The following GUCY1A2 variants were observed in gnomAD, a reference collection of about 807,000 sequenced individuals.
GUCY1A2 encodes the protein guanylate cyclase soluble subunit alpha-2.
A neutral mutation model predicts 63.5 loss-of-function variants in GUCY1A2; 27 were observed. The ratio of observed to expected loss-of-function variants is 0.43; its 90% CI spans 0.31 to 0.59. GUCY1A2 has a LOEUF of 0.59. Ranked by LOEUF, GUCY1A2 falls within the 20% of genes least tolerant of loss-of-function variation. GUCY1A2 has a pLI of 0.11. For missense variants in GUCY1A2, 768 were observed against 913.3 expected, an observed-to-expected ratio of 0.84 and a Z score of 2.05; for synonymous variants, 364 against 343.5, an observed-to-expected ratio of 1.06 and a Z score of -0.66.
intron 1 of GUCY1A2, among the ~76,000 whole-genome samples, chr11:107,000,450 C>T (rs1249001140): frequency 1.3e-5 from 2 of 152,216 alleles, no homozygotes; most frequent in East Asian, 1.9e-4. Flanking sequence ...TCACTCCCTA[C>T]AACAATGCCT....
chr11:106,945,526 C>A (rs1860815438), intron 3 of GUCY1A2, among the ~76,000 whole-genome samples: 1 of 152,182 alleles, frequency 6.6e-6, no homozygotes, highest in Non-Finnish European at 1.5e-5. Context: ...CACACATAGA[C>A]ACATGCTTTC....
chr11:106,885,903 T>C (rs972690137), intron 4 of GUCY1A2, among the ~76,000 whole-genome samples: 2 of 152,114 alleles, frequency 1.3e-5, no homozygotes, highest in Admixed American at 1.3e-4. Flanking sequence ...ATTCCCCCTA[T>C]TGGAAGAACT....
intron 4 of GUCY1A2, among the ~76,000 whole-genome samples, chr11:106,879,904 GC>G (rs1859800544): frequency 6.6e-6 from 1 of 152,070 alleles, no homozygotes; most frequent in African/African-American, 2.4e-5. Context: ...AGAGCTATAT[GC>G]TGTCATCAGT....
intron 5 of GUCY1A2, among the ~76,000 whole-genome samples, chr11:106,791,238 C>A (rs1344287423): frequency 6.6e-6 from 1 of 152,196 alleles, no homozygotes; most frequent in African/African-American, 2.4e-5. Flanking sequence ...CCTGGTTTTG[C>A]TTTCTGCTAT....
chr11:106,731,555 G>GA (rs1043195334), intron 6 of GUCY1A2, among the ~76,000 whole-genome samples: 14 of 151,314 alleles, frequency 9.3e-5, no homozygotes, highest in Admixed American at 2.0e-4. Flanking sequence ...GCAAGAGAAA[G>GA]AAAAAAAAGG....
rs542188316 is a variant in GUCY1A2, at chr11:106,849,131, G to C, written c.1207-38653C>G. On this transcript the variant is annotated intron_variant, in intron 4 of 7. Transcript: ENST00000526355. The stretch of plus-strand genomic sequence containing the variant: ...CAAGGTGCCATTCTATAATTTTCTG[G>C]ATTACTGATAAAAGCCACTCACATT... Among the ~76,000 whole-genome samples the C allele has an allele frequency of 1.2e-4, 18 of 151,368 alleles. 1 individual carries two copies. The South Asian group carries it at 3.7e-3, about 31-fold the overall frequency.
At chr11:106,715,448 A>G (rs1863197695) in intron 6 of GUCY1A2, among the ~76,000 whole-genome samples, 1 of 152,154 alleles carries the variant, frequency 6.6e-6, no homozygotes, top group Non-Finnish European at 1.5e-5. Context: ...AGCGCATTAT[A>G]AAAAATGCCC....
chr11:106,695,516 A>C (rs1418443179), intron 7 of GUCY1A2, among the ~76,000 whole-genome samples: 1 of 152,104 alleles, frequency 6.6e-6, no homozygotes, highest in Non-Finnish European at 1.5e-5. Context: ...AAGACACATT[A>C]TGTTTTCCTA....
At chr11:106,957,316 C>A (rs1274165685) in intron 3 of GUCY1A2, among the ~76,000 whole-genome samples, 1 of 151,900 alleles carries the variant, frequency 6.6e-6, no homozygotes, top group African/African-American at 2.4e-5. Context: ...CTTCTTCCCC[C>A]CTCCCCACCA....
intron 1 of GUCY1A2, among the ~76,000 whole-genome samples, chr11:106,987,237 T>A (rs1043966188): frequency 1.3e-5 from 2 of 152,208 alleles, no homozygotes; most frequent in Non-Finnish European, 2.9e-5. Flanking sequence ...CTTCTACCTC[T>A]AAAAAGGCAA....
At chr11:106,920,439 T>A (rs12223160) in intron 4 of GUCY1A2, among the ~76,000 whole-genome samples, 6,172 of 152,238 alleles carry the variant, frequency 0.041, 670 homozygotes, top group East Asian at 0.3. Context: ...TTCTAATGGC[T>A]TTTGTCATTA....
At chr11:106,690,011 A>G in intron 7 of GUCY1A2, among the ~76,000 whole-genome samples, 1 of 150,696 alleles carries the variant, frequency 6.6e-6, no homozygotes, top group African/African-American at 2.4e-5. Flanking sequence ...AAAAAAAAGT[A>G]AAAAAATAAC....
At chr11:106,981,410 G>T (rs1861332974) in intron 2 of GUCY1A2, among the ~76,000 whole-genome samples, 1 of 150,404 alleles carries the variant, frequency 6.6e-6, no homozygotes. Context: ...AAGAATTGGT[G>T]TCCCAGACTA....
chr11:106,988,617 A>C (rs931459727), intron 1 of GUCY1A2, among the ~76,000 whole-genome samples: 1 of 152,230 alleles, frequency 6.6e-6, no homozygotes, highest in Non-Finnish European at 1.5e-5. Context: ...TTCCACATAC[A>C]TTAAAAAGAA....
At chr11:106,853,972 A>G (rs1455037541) in intron 4 of GUCY1A2, among the ~76,000 whole-genome samples, 4 of 152,226 alleles carry the variant, frequency 2.6e-5, no homozygotes, top group African/African-American at 7.2e-5. Context: ...AGCTGTGACA[A>G]GGACTTGCTG....
chr11:106,883,719 T>C (rs1222710089), intron 4 of GUCY1A2, among the ~76,000 whole-genome samples: 1 of 152,134 alleles, frequency 6.6e-6, no homozygotes, highest in African/African-American at 2.4e-5. Context: ...TAAAAGTACT[T>C]TGTATTAATT....
Position 106,675,667 on chromosome 11 carries a change from T to C in GUCY1A2, c.*11882A>G, listed in dbSNP as rs1041503235. 1 of 188,744 alleles carries C rather than the reference T, an allele frequency of 5.3e-6. No individual in the cohort carries two copies. The highest frequency in any genetic ancestry group is 1.1e-5 in the Non-Finnish European group (1 of 89,734). 11.7% of individuals were successfully genotyped at this position (188,744 alleles called of 1,614,324 possible). A position where few individuals can be genotyped will look rare whatever the true frequency, so the allele number is the denominator to read the frequency against. On this transcript the variant is annotated 3_prime_UTR_variant, in exon 8 of 8. Transcript: ENST00000526355. Reference sequence around the variant, plus strand: ...TAAAGAAATACAAATGGTAAAGGTATTGAAAGTCACATTTCTTTATCTGAA... The same window carrying C: ...TAAAGAAATACAAATGGTAAAGGTACTGAAAGTCACATTTCTTTATCTGAA...
intron 4 of GUCY1A2, among the ~76,000 whole-genome samples, chr11:106,857,867 T>C (rs1351792249): frequency 6.6e-6 from 1 of 152,224 alleles, no homozygotes; most frequent in Non-Finnish European, 1.5e-5. Flanking sequence ...AAAGGTTATA[T>C]GCAAATACTA....
At chr11:106,977,903 T>C (rs548107547) in intron 3 of GUCY1A2, among the ~76,000 whole-genome samples, 20 of 151,558 alleles carry the variant, frequency 1.3e-4, no homozygotes, top group African/African-American at 4.8e-4. Flanking sequence ...ACTAGAAACA[T>C]CTGTAAGACA....
Sources: gnomAD v4.1 joint callset for allele counts (sites outside exome capture counted in the v4.1 genomes callset) on GRCh38, gnomAD v4.1.1 for gene constraint, MANE v1.5 for transcripts, NCBI Gene and HGNC (gene_info 2026-07-23, HGNC 2026-07-21) for gene names.